WFS1: variants seen among roughly 807,000 people sequenced by gnomAD.
WFS1 encodes wolframin ER transmembrane glycoprotein, also known as wolframin.
Under a neutral mutation model 68.5 loss-of-function variants are expected in WFS1, and 90 were observed. The ratio of observed to expected loss-of-function variants is 1.31; its 90% CI spans 1.11 to 1.56. The LOEUF (loss-of-function observed/expected upper bound fraction) is 1.56. Among genes scored for constraint, WFS1 ranks in the 40% most tolerant of loss-of-function variants. WFS1 has a pLI of 0.00. For missense variants in WFS1, 1,767 were observed against 1,232.6 expected, an observed-to-expected ratio of 1.43 and a Z score of -6.49; for synonymous variants, 860 against 540.7, an observed-to-expected ratio of 1.59 and a Z score of -8.19.
intron 3 of WFS1, 39 bp from the exon 4 acceptor site, chr4:6,288,948 G>A: frequency 6.3e-7 from 1 of 1,599,394 alleles, no homozygotes; most frequent in Non-Finnish European, 8.5e-7. Flanking sequence ...GTGGGAGAGG[G>A]TCGGAGAATC....
In WFS1 at chr4:6,300,822, T is replaced by G. The variant is rs1447723131; in HGVS notation, c.1027T>G (p.Phe343Val). 9 of 1,613,928 alleles carry G rather than the reference T, an allele frequency of 5.6e-6. No individual in the cohort carries two copies. The highest frequency in any genetic ancestry group is 5.0e-5 in the Admixed American group (3 of 59,996). ...VSNLTIDFFA[F>V]FIPLVIFYLS... The stretch of plus-strand genomic sequence containing the variant: ...CAACCTCACCATCGACTTCTTCGCC[T>G]TCTTCATCCCGCTGGTCATCTTCTA... Residue 343 changes from phenylalanine to valine, a missense_variant, in exon 8 of 8, where the codon TTC becomes GTC. Transcript: ENST00000226760.
intron 6 of WFS1, among the ~76,000 whole-genome samples, chr4:6,294,235 C>G (rs749631797): frequency 2.0e-5 from 3 of 152,188 alleles, no homozygotes; most frequent in Non-Finnish European, 2.9e-5. Flanking sequence ...CACCATCTCA[C>G]CACGGCAACT....
intron 4 of WFS1, among the ~76,000 whole-genome samples, chr4:6,289,840 A>T (rs998521283): frequency 6.6e-6 from 1 of 152,184 alleles, no homozygotes; most frequent in African/African-American, 2.4e-5. Flanking sequence ...TATGCTTATC[A>T]TAGAAAACTT....
chr4:6,281,486 G>C (rs1450233676), intron 2 of WFS1, among the ~76,000 whole-genome samples: 1 of 152,222 alleles, frequency 6.6e-6, no homozygotes, highest in Non-Finnish European at 1.5e-5. Context: ...GCAGAGAGAG[G>C]AGTAGCCAGG....
intron 1 of WFS1, among the ~76,000 whole-genome samples, chr4:6,271,850 G>A (rs529896604): frequency 2.0e-5 from 3 of 152,284 alleles, no homozygotes; most frequent in South Asian, 4.2e-4. Flanking sequence ...GCCAGGAGCC[G>A]GCATTCTTTC....
chr4:6,274,740 A>T (rs1729944440), intron 1 of WFS1, among the ~76,000 whole-genome samples: 1 of 152,062 alleles, frequency 6.6e-6, no homozygotes. Context: ...CCCTGCAGAA[A>T]CAGAAGTGTG....
chr4:6,291,424 G>T (rs1393294128), intron 5 of WFS1, 57 bp downstream of exon 5: 1 of 1,596,034 alleles, frequency 6.3e-7, no homozygotes, highest in South Asian at 1.1e-5. Flanking sequence ...TCCCACAGGA[G>T]CCAGGACCTT....
intron 7 of WFS1, among the ~76,000 whole-genome samples, chr4:6,298,185 C>G (rs1342983338): frequency 6.6e-6 from 1 of 152,242 alleles, no homozygotes; most frequent in African/African-American, 2.4e-5. Flanking sequence ...CGCAAGGCCC[C>G]CATACGGGGA....
rs200790641 is a variant in WFS1, at chr4:6,300,771, G to T, written c.976G>T (p.Ala326Ser). Residue 326 changes from alanine to serine, a missense_variant, in exon 8 of 8, where the codon GCG becomes TCG. Ala to Ser is a moderately conservative substitution (Grantham distance 99). Coordinates refer to ENST00000226760, the MANE Select transcript of WFS1 (RefSeq NM_006005.3). ...STIIPTHHIN[A>S]LIFFFIVSNL... ...CATCATCCCCACGCACCACATCAAC[G>T]CGCTCATCTTCTTCTTCATCGTCAG... is the stretch of plus-strand genomic sequence containing the variant. 6.8e-6 allele frequency: 11 copies of T among 1,613,978 alleles called. No homozygotes were observed. The East Asian group carries it at 2.2e-4, about 33-fold the overall frequency.
At chr4:6,300,394 C>T (rs1717331509) in intron 7 of WFS1, among the ~76,000 whole-genome samples, 1 of 152,006 alleles carries the variant, frequency 6.6e-6, no homozygotes, top group African/African-American at 2.4e-5. Context: ...TGCATCTAGT[C>T]ACGCTGGTAG....
At chr4:6,273,164 G>C (rs776270554) in intron 1 of WFS1, among the ~76,000 whole-genome samples, 9 of 152,244 alleles carry the variant, frequency 5.9e-5, no homozygotes, top group South Asian at 2.1e-4. Context: ...GCCTGGGTGA[G>C]GGCCAGAGCC....
intron 6 of WFS1, among the ~76,000 whole-genome samples, chr4:6,292,790 C>T (rs13128674): frequency 0.64 from 97,205 of 151,896 alleles, 31,704 homozygotes; most frequent in East Asian, 0.94. Flanking sequence ...TGTCAGTTTC[C>T]CCTTCTGAAC....
chr4:6,300,234 C>A (rs1268387985), intron 7 of WFS1, among the ~76,000 whole-genome samples: 1 of 152,114 alleles, frequency 6.6e-6, no homozygotes, highest in Non-Finnish European at 1.5e-5. Flanking sequence ...GACATCCTTG[C>A]TGTAGTGCAG....
intron 1 of WFS1, among the ~76,000 whole-genome samples, chr4:6,270,294 G>A (rs1729763593): frequency 2.0e-5 from 3 of 151,522 alleles, no homozygotes; most frequent in South Asian, 2.1e-4. Context: ...CGCCGCGGGC[G>A]GGACAGCAGG....
chr4:6,287,055 G>A lies in WFS1; in HGVS notation c.233-38G>A. Reference sequence around the variant, plus strand: ...CCATCCTGACAAGTGACAAAGTCTGGCTTTGTGACATGTGTGTTTGTTTCT... The same window carrying A: ...CCATCCTGACAAGTGACAAAGTCTGACTTTGTGACATGTGTGTTTGTTTCT... On this transcript the variant is annotated intron_variant, in intron 2 of 7. Transcript: ENST00000226760. This position sits in a 1 kb window ranked among gnomAD's most constrained non-coding sequence, Gnocchi z 6.4. 6.5e-7 allele frequency: 1 copy of A among 1,527,538 alleles called. No individual in the cohort carries two copies. Among genetic ancestry groups the A allele is most frequent in the Non-Finnish European group, 8.9e-7 (1 of 1,124,632 alleles). 94.6% of individuals were successfully genotyped at this position (1,527,538 alleles called of 1,614,324 possible).
In WFS1 at chr4:6,301,051, T is replaced by TC; in HGVS notation, c.1260dup (p.Ile421HisfsTer122). On this transcript the variant is annotated frameshift_variant, in exon 8 of 8. Coordinates refer to ENST00000226760, the MANE Select transcript of WFS1 (RefSeq NM_006005.3). LOFTEE classifies it high-confidence loss of function. ...TCTGTCTTCTTCGTCATCTTCTCCT[T>TC]CCCCATCGCCAGCAAGGACTGCATC... 6.2e-7 allele frequency: 1 copy of TC among 1,614,078 alleles called. No individual in the cohort carries two copies. Among genetic ancestry groups the TC allele is most frequent in the Non-Finnish European group, 8.5e-7 (1 of 1,180,014 alleles).
intron 2 of WFS1, among the ~76,000 whole-genome samples, chr4:6,285,223 A>G (rs947599951): frequency 1.3e-5 from 1 of 77,738 alleles, no homozygotes; most frequent in African/African-American, 6.0e-5. Context: ...GAAGAGGGGC[A>G]TTCAGGGAGA....
intron 1 of WFS1, among the ~76,000 whole-genome samples, chr4:6,271,644 CATT>C (rs1391007195): frequency 2.0e-5 from 3 of 152,192 alleles, no homozygotes; most frequent in Non-Finnish European, 4.4e-5. Flanking sequence ...CTGTGCCCTT[CATT>C]CCTCACTCCC....
intron 1 of WFS1, among the ~76,000 whole-genome samples, chr4:6,275,203 CCT>C (rs900940735): frequency 2.0e-5 from 3 of 152,132 alleles, no homozygotes; most frequent in African/African-American, 7.2e-5. Context: ...GTAAAGGTGC[CCT>C]CTCTCTCTGT....
Sources: allele counts gnomAD v4.1 joint callset (sites outside exome capture counted in the v4.1 genomes callset), GRCh38; gene constraint gnomAD v4.1.1; non-coding constraint Gnocchi (gnomAD v3.1); transcripts MANE v1.5; gene names NCBI Gene and HGNC (gene_info 2026-07-23, HGNC 2026-07-21).